SGCZ: variants seen among roughly 807,000 people sequenced by gnomAD.
The protein encoded by SGCZ is sarcoglycan zeta.
SGCZ carries 40 observed loss-of-function variants against 41.3 expected under a neutral mutation model. The observed-to-expected ratio is 0.97, with a 90% CI of 0.75 to 1.26. The LOEUF is 1.26. Among genes scored for constraint, SGCZ ranks in the 50% most tolerant of loss-of-function variants. The pLI is 0.00. For missense variants in SGCZ, 552 were observed against 369.8 expected (o/e 1.49, Z -4.04); for synonymous variants, 206 against 137.5 (o/e 1.50, Z -3.49).
At chr8:15,000,193 G>A (rs1337115342) in intron 1 of SGCZ, among the ~76,000 whole-genome samples, 1 of 152,134 alleles carries the variant, frequency 6.6e-6, no homozygotes. Flanking sequence ...AGAGAGTCCT[G>A]TAGGAAACCA....
At chr8:14,711,387 C>T (rs1037161782) in intron 1 of SGCZ, among the ~76,000 whole-genome samples, 1 of 144,772 alleles carries the variant, frequency 6.9e-6, no homozygotes, top group Non-Finnish European at 1.5e-5. Context: ...ATCAGGAGTT[C>T]GAGACCAGCC....
At chr8:14,893,514 C>T (rs529491692) in intron 1 of SGCZ, among the ~76,000 whole-genome samples, 40 of 152,242 alleles carry the variant, frequency 2.6e-4, no homozygotes, top group Middle Eastern at 3.4e-3. Flanking sequence ...TTTCTCTTTT[C>T]AGGGGACGTA....
At chr8:14,114,222 C>T (rs887779520) in intron 5 of SGCZ, among the ~76,000 whole-genome samples, 1 of 151,946 alleles carries the variant, frequency 6.6e-6, no homozygotes, top group Non-Finnish European at 1.5e-5. Flanking sequence ...TTAACAAAAG[C>T]ATGCATAAAA....
intron 1 of SGCZ, among the ~76,000 whole-genome samples, chr8:15,171,735 T>C (rs1010334631): frequency 6.6e-6 from 1 of 152,210 alleles, no homozygotes; most frequent in Non-Finnish European, 1.5e-5. Context: ...AAGCCTGTTG[T>C]AGATGATTTG....
Position 14,332,842 on chromosome 8 carries a change from T to A in SGCZ, c.235-8638A>T, listed in dbSNP as rs550241330. On this transcript the variant is annotated intron_variant, in intron 2 of 7. Transcript: ENST00000382080. ...AATATACTTATATGCATATATATAGTGTGTGTATATATATAATGTTCTCCT... is the reference window on the plus strand; with the variant it reads ...AATATACTTATATGCATATATATAGAGTGTGTATATATATAATGTTCTCCT... Among the ~76,000 whole-genome samples, 6 of 151,096 alleles carry A rather than the reference T, an allele frequency of 4.0e-5. No homozygotes were observed. In the East Asian group the frequency reaches 1.2e-3, roughly 29 times the overall value.
chr8:14,255,572 A>C (rs1799433690), intron 3 of SGCZ, among the ~76,000 whole-genome samples: 1 of 152,278 alleles, frequency 6.6e-6, no homozygotes, highest in South Asian at 2.1e-4. Flanking sequence ...AAGACAAAGT[A>C]TAAATTTATT....
intron 1 of SGCZ, among the ~76,000 whole-genome samples, chr8:14,659,360 A>G (rs887463795): frequency 2.6e-5 from 4 of 152,206 alleles, no homozygotes; most frequent in Admixed American, 2.6e-4. Context: ...ATAAGCATGT[A>G]CAATTATTTT....
At chr8:14,720,906 G>A (rs1182315453) in intron 1 of SGCZ, among the ~76,000 whole-genome samples, 1 of 80,368 alleles carries the variant, frequency 1.2e-5, no homozygotes, top group African/African-American at 4.7e-5. Flanking sequence ...ATACTTCATG[G>A]AAACTGTTTT....
At chr8:14,648,891 G>A (rs1353797746) in intron 1 of SGCZ, among the ~76,000 whole-genome samples, 5 of 152,050 alleles carry the variant, frequency 3.3e-5, no homozygotes, top group African/African-American at 1.2e-4. Flanking sequence ...TATATTCTCA[G>A]ATTAAGCCAT....
At chr8:15,062,027 T>C (rs1488783762) in intron 1 of SGCZ, among the ~76,000 whole-genome samples, 2 of 152,196 alleles carry the variant, frequency 1.3e-5, no homozygotes, top group South Asian at 2.1e-4. Flanking sequence ...CAGTAGCAGA[T>C]ACTCTGCTGC....
In SGCZ at chr8:14,438,551, C is replaced by T. The variant is rs545304639; in HGVS notation, c.235-114347G>A. On this transcript the variant is annotated intron_variant, in intron 2 of 7. Coordinates refer to ENST00000382080, the MANE Select transcript of SGCZ (RefSeq NM_139167.4). ...TGCTTGGAGAACCTATGGAGTCAAACACCATGAAAAAGCATAAAAAGTGTT... is the reference window on the plus strand; with the variant it reads ...TGCTTGGAGAACCTATGGAGTCAAATACCATGAAAAAGCATAAAAAGTGTT... 5.3e-5 allele frequency among the ~76,000 whole-genome samples: 8 copies of T among 151,838 alleles called. No individual in the cohort carries two copies. The East Asian group carries it at 1.4e-3, about 26-fold the overall frequency.
At chr8:14,383,097 G>A (rs1243996575) in intron 2 of SGCZ, among the ~76,000 whole-genome samples, 1 of 152,188 alleles carries the variant, frequency 6.6e-6, no homozygotes, top group Non-Finnish European at 1.5e-5. Context: ...AATGGCATCT[G>A]TTGGGTCTGG....
At chr8:15,080,530 C>T (rs914589328) in intron 1 of SGCZ, among the ~76,000 whole-genome samples, 2 of 152,040 alleles carry the variant, frequency 1.3e-5, no homozygotes, top group Non-Finnish European at 2.9e-5. Context: ...GGAGATGGAG[C>T]CTTTAAAGAG....
At chr8:14,298,978 T>C (rs1001898548) in intron 3 of SGCZ, among the ~76,000 whole-genome samples, 6 of 152,052 alleles carry the variant, frequency 3.9e-5, no homozygotes, top group African/African-American at 1.4e-4. Flanking sequence ...CAAGAGAGTA[T>C]TATATTGGTA....
At chr8:14,470,893 G>A (rs1184231405) in intron 2 of SGCZ, among the ~76,000 whole-genome samples, 1 of 152,096 alleles carries the variant, frequency 6.6e-6, no homozygotes, top group African/African-American at 2.4e-5. Context: ...GACACAATAA[G>A]TCGTGTTAAC....
intron 1 of SGCZ, among the ~76,000 whole-genome samples, chr8:14,898,191 C>A (rs1168646863): frequency 6.6e-6 from 1 of 151,966 alleles, no homozygotes; most frequent in Non-Finnish European, 1.5e-5. Flanking sequence ...CTCAAGAGAT[C>A]CTCCCACCTC....
intron 1 of SGCZ, among the ~76,000 whole-genome samples, chr8:15,015,412 A>C (rs1057179875): frequency 1.3e-5 from 2 of 151,936 alleles, no homozygotes; most frequent in African/African-American, 2.4e-5. Context: ...CTTGAAACAT[A>C]CACGTGGCTG....
At chr8:14,251,183 G>A (rs1040710448) in intron 3 of SGCZ, among the ~76,000 whole-genome samples, 11 of 152,190 alleles carry the variant, frequency 7.2e-5, no homozygotes, top group African/African-American at 2.6e-4. Flanking sequence ...AGCAGAGATA[G>A]TGCCACTGTA....
At chr8:14,518,080 G>C (rs1802678088) in intron 2 of SGCZ, among the ~76,000 whole-genome samples, 1 of 151,726 alleles carries the variant, frequency 6.6e-6, no homozygotes, top group Non-Finnish European at 1.5e-5. Context: ...GTTAATGAAA[G>C]TGCATAGTCT....
Sources: allele counts gnomAD v4.1 joint callset (sites outside exome capture counted in the v4.1 genomes callset), GRCh38; gene constraint gnomAD v4.1.1; transcripts MANE v1.5; gene names NCBI Gene and HGNC (gene_info 2026-07-23, HGNC 2026-07-21).